The following RBPJ variants were observed in gnomAD, a reference collection of about 807,000 sequenced individuals.
The protein encoded by RBPJ is recombining binding protein suppressor of hairless.
RBPJ carries 9 observed loss-of-function variants against 67.8 expected under a neutral mutation model. That is an observed-to-expected ratio of 0.13 (90% CI 0.08 to 0.23). The LOEUF is 0.23. Among genes scored for constraint, RBPJ ranks in the 10% least tolerant of loss-of-function variants. RBPJ has a pLI of 1.00. For synonymous variants in RBPJ, 198 were observed against 203.3 expected (o/e 0.97, Z 0.22); for missense variants, 305 against 595.6 (o/e 0.51, Z 5.08).
chr4:26,109,399 C>T, the RBPJ span, among the ~76,000 whole-genome samples: 2 of 126,532 alleles, frequency 1.6e-5, no homozygotes, highest in African/African-American at 2.9e-5. Flanking sequence ...AGCCACTGTG[C>T]CTGTCCACCT....
At chr4:26,223,334 G>A (rs1389230896) in intron 1 of RBPJ, among the ~76,000 whole-genome samples, 1 of 152,114 alleles carries the variant, frequency 6.6e-6, no homozygotes, top group Non-Finnish European at 1.5e-5. Flanking sequence ...CACATGAACA[G>A]ATAGGAATGT....
intron 1 of RBPJ, among the ~76,000 whole-genome samples, chr4:26,378,200 T>A (rs1308871953): frequency 6.6e-6 from 1 of 152,158 alleles, no homozygotes; most frequent in Non-Finnish European, 1.5e-5. Flanking sequence ...TCTGTGTTTT[T>A]GGCAGTAATA....
chr4:26,353,502 T>C (rs1432730262), intron 1 of RBPJ, among the ~76,000 whole-genome samples: 1 of 152,250 alleles, frequency 6.6e-6, no homozygotes, highest in Non-Finnish European at 1.5e-5. Flanking sequence ...CTCATAGGTT[T>C]GGTAGTAAAT....
intron 1 of RBPJ, among the ~76,000 whole-genome samples, chr4:26,310,925 G>C (rs971614984): frequency 1.3e-5 from 2 of 152,044 alleles, no homozygotes; most frequent in Admixed American, 6.6e-5. Context: ...CCGCCTCAGC[G>C]TCCCCAAGTG....
intron 1 of RBPJ, among the ~76,000 whole-genome samples, chr4:26,198,361 T>A (rs1217634550): frequency 6.6e-6 from 1 of 152,206 alleles, no homozygotes. Context: ...TATTTTCCCC[T>A]CTAAATGGTA....
rs985463220 is a variant in RBPJ, at chr4:26,375,754, A to G, written c.21-10599A>G. ...TCCCCATCAGTCTTTGTTGGGACGC[A>G]CACAAAGCAGGCACGAAGCCCATCA... is the stretch of plus-strand genomic sequence containing the variant. On this transcript the variant is annotated intron_variant, in intron 1 of 10. Transcript: ENST00000355476. Among the ~76,000 whole-genome samples the G allele has an allele frequency of 2.6e-5, 4 of 152,218 alleles. No individual in the cohort carries two copies. In the South Asian group the frequency reaches 8.3e-4, roughly 31 times the overall value.
chr4:26,250,025 GT>G lies in RBPJ; in HGVS notation c.-167+86412del, dbSNP rs201298901. ...GGTCTCGAACTCCTGACCTCAGGTG[GT>G]CCCCCCGCCACGGCCTCCCAAAGTG... On this transcript the variant is annotated intron_variant, in intron 1 of 4. Coordinates refer to the RBPJ transcript ENST00000512351. Among the ~76,000 whole-genome samples, 19 of 151,486 alleles carry G rather than the reference GT, an allele frequency of 1.3e-4. No homozygotes were observed. The East Asian group carries it at 2.8e-3, about 22-fold the overall frequency.
In RBPJ at chr4:26,421,427, C is replaced by G. The variant is rs576233324; in HGVS notation, c.496+702C>G. 8.5e-5 allele frequency among the ~76,000 whole-genome samples: 13 copies of G among 152,218 alleles called. No homozygotes were observed. In the South Asian group the frequency reaches 2.7e-3, roughly 32 times the overall value. ...AACCAATCCTCCCTGCCTCAGCCTC[C>G]TGAGTAGCTGGGATTACAGGTGCCC... On this transcript the variant is annotated intron_variant, in intron 5 of 10. Coordinates refer to ENST00000355476, the MANE Select transcript of RBPJ (RefSeq NM_015874.6).
At chr4:26,369,445 C>T (rs1268518011) in intron 1 of RBPJ, among the ~76,000 whole-genome samples, 1 of 152,142 alleles carries the variant, frequency 6.6e-6, no homozygotes, top group Non-Finnish European at 1.5e-5. Context: ...TTTACAGAGA[C>T]GGAAGCTCTA....
Position 26,386,387 on chromosome 4 carries a change from A to T in RBPJ, c.55A>T (p.Thr19Ser), listed in dbSNP as rs1297681088. The change falls in exon 2 of 11, where the codon ACT becomes TCT. Residue 19 changes from threonine to serine, a missense_variant. Physicochemically the swap from Thr to Ser is moderately conservative, Grantham distance 58 (BLOSUM62 1). Coordinates refer to ENST00000355476, the MANE Select transcript of RBPJ (RefSeq NM_015874.6). Reference sequence around the variant, plus strand: ...TGAGCGGCCTCCACCTAAACGACTTACTAGGTGAGTATTATATTAGTCAGC... The same window carrying T: ...TGAGCGGCCTCCACCTAAACGACTTTCTAGGTGAGTATTATATTAGTCAGC... ...FGERPPPKRL[T>S]REAMRNYLKE... The T allele has an allele frequency of 1.9e-6, 3 of 1,594,544 alleles. No homozygotes were observed. Among genetic ancestry groups the T allele is most frequent in the East Asian group, 2.2e-5 (1 of 44,744 alleles).
At chr4:26,289,384 C>CAAAAAAAAAAAAAAAAAAAATAAA (rs1721587718) in intron 1 of RBPJ, among the ~76,000 whole-genome samples, 1 of 78,338 alleles carries the variant, frequency 1.3e-5, no homozygotes, top group Non-Finnish European at 2.4e-5. Flanking sequence ...GACTTGGTCT[C>CAAAAAAAAAAAAAAAAAAAATAAA]AAAAAAAAAA....
chr4:26,134,190 G>A, the RBPJ span, among the ~76,000 whole-genome samples: 3 of 152,092 alleles, frequency 2.0e-5, no homozygotes, highest in Non-Finnish European at 4.4e-5. Context: ...TTCTTTTTGG[G>A]TCTCAACGTC....
intron 2 of RBPJ, among the ~76,000 whole-genome samples, chr4:26,388,432 G>T (rs1731139998): frequency 6.6e-6 from 1 of 152,216 alleles, no homozygotes; most frequent in Admixed American, 6.5e-5. Flanking sequence ...ACTCACTTCT[G>T]TTGTAGCACA....
At chr4:26,350,258 C>A (rs1446773091) in intron 1 of RBPJ, among the ~76,000 whole-genome samples, 1 of 152,124 alleles carries the variant, frequency 6.6e-6, no homozygotes, top group Non-Finnish European at 1.5e-5. Flanking sequence ...ATTTCTCACA[C>A]TAGATAATTT....
intron 1 of RBPJ, among the ~76,000 whole-genome samples, chr4:26,235,375 G>GT (rs1432549766): frequency 6.6e-6 from 1 of 152,134 alleles, no homozygotes; most frequent in Admixed American, 6.5e-5. Context: ...GTGTAACTTT[G>GT]TTTTTTTGTG....
At chr4:26,364,535 T>C (rs1277664127) in intron 1 of RBPJ, among the ~76,000 whole-genome samples, 2 of 151,986 alleles carry the variant, frequency 1.3e-5, no homozygotes, top group Admixed American at 1.3e-4. Context: ...ATTTGTTTTG[T>C]TTTAACTCCG....
chr4:26,351,546 A>G (rs566329766), intron 1 of RBPJ, among the ~76,000 whole-genome samples: 36 of 152,078 alleles, frequency 2.4e-4, no homozygotes, highest in African/African-American at 8.7e-4. Flanking sequence ...ACACCTGGCT[A>G]ATTTTTGTAT....
chr4:26,395,310 T>G lies in RBPJ; in HGVS notation c.59+8919T>G, dbSNP rs1015014250. Among the ~76,000 whole-genome samples, 5 of 151,984 alleles carry G rather than the reference T, an allele frequency of 3.3e-5. No homozygotes were observed. In the South Asian group the frequency reaches 1.0e-3, roughly 32 times the overall value. On this transcript the variant is annotated intron_variant, in intron 2 of 10. Coordinates refer to ENST00000355476, the MANE Select transcript of RBPJ (RefSeq NM_015874.6). Reference sequence around the variant, plus strand: ...AAAAAAAATTAAAGAATTAGCTAGATGTGGTATTGCCCGCCTGTGGTCCTA... The same window carrying G: ...AAAAAAAATTAAAGAATTAGCTAGAGGTGGTATTGCCCGCCTGTGGTCCTA...
chr4:26,191,793 G>A (rs1368883584), intron 1 of RBPJ, among the ~76,000 whole-genome samples: 1 of 152,046 alleles, frequency 6.6e-6, no homozygotes, highest in Non-Finnish European at 1.5e-5. Flanking sequence ...AAAATTCAAG[G>A]CAGATACTCA....
Sources: gnomAD v4.1 joint callset for allele counts (sites outside exome capture counted in the v4.1 genomes callset) on GRCh38, gnomAD v4.1.1 for gene constraint, MANE v1.5 for transcripts, NCBI Gene and HGNC (gene_info 2026-07-23, HGNC 2026-07-21) for gene names.